PAX5: variants seen among roughly 807,000 people sequenced by gnomAD.
PAX5 encodes paired box protein Pax-5.
Under a neutral mutation model 43.7 loss-of-function variants are expected in PAX5, and 9 were observed. The observed-to-expected ratio is 0.21, with a 90% CI of 0.12 to 0.36. The LOEUF is 0.36. Among genes scored for constraint, PAX5 ranks in the 10% least tolerant of loss-of-function variants. PAX5 has a pLI of 1.00. For synonymous variants in PAX5, 228 were observed against 214.3 expected, an observed-to-expected ratio of 1.06 and a Z score of -0.56; for missense variants, 383 against 532.7, an observed-to-expected ratio of 0.72 and a Z score of 2.77.
At position 36,838,245 on chromosome 9, in the gene PAX5, G is replaced by A. The variant is rs925730733; in HGVS notation, c.*2315C>T. 3 of 232,924 alleles carry A rather than the reference G, an allele frequency of 1.3e-5. No individual in the cohort carries two copies. The highest frequency in any genetic ancestry group is 1.7e-5 in the Non-Finnish European group (2 of 117,912). The allele number at this position is 232,924 out of a possible 1,614,324, so 14.4% of individuals were successfully genotyped here. On this transcript the variant is annotated 3_prime_UTR_variant, in exon 10 of 10. Coordinates refer to ENST00000358127, the MANE Select transcript of PAX5 (RefSeq NM_016734.3). Reference sequence around the variant, plus strand: ...TCGCTGGGCTCCATCCCTGGCCTGGGTGACCAGGCTTCCTTGGCAGTTCTT... The same window carrying A: ...TCGCTGGGCTCCATCCCTGGCCTGGATGACCAGGCTTCCTTGGCAGTTCTT...
chr9:36,849,979 G>C (rs547759985), intron 8 of PAX5, among the ~76,000 whole-genome samples: 10 of 152,260 alleles, frequency 6.6e-5, no homozygotes, highest in South Asian at 2.1e-4. Flanking sequence ...GGAGAAGCTA[G>C]GTCCTTAGTC....
At chr9:36,961,360 G>A (rs982211858) in intron 6 of PAX5, among the ~76,000 whole-genome samples, 1 of 152,218 alleles carries the variant, frequency 6.6e-6, no homozygotes, top group African/African-American at 2.4e-5. Flanking sequence ...TGAACTCCCT[G>A]GGAGGTCAGC....
intron 1 of PAX5, among the ~76,000 whole-genome samples, chr9:37,024,177 T>A (rs1276815212): frequency 1.3e-5 from 2 of 152,212 alleles, no homozygotes; most frequent in Admixed American, 6.5e-5. Flanking sequence ...ACCCTGGCTA[T>A]GAGTGTTTTA....
intron 7 of PAX5, among the ~76,000 whole-genome samples, chr9:36,904,755 C>T (rs901919879): frequency 1.3e-5 from 2 of 152,162 alleles, no homozygotes; most frequent in African/African-American, 4.8e-5. Context: ...ATAACCTTGA[C>T]AATGACCTAG....
chr9:37,008,740 A>G (rs961931771), intron 3 of PAX5, among the ~76,000 whole-genome samples: 1 of 152,200 alleles, frequency 6.6e-6, no homozygotes, highest in Admixed American at 6.5e-5. Context: ...CCTCAAATAC[A>G]TTCAGATTGT....
In PAX5 at chr9:37,002,613, C is replaced by T. The variant is rs370036164; in HGVS notation, c.604+35G>A. On this transcript the variant is annotated intron_variant, in intron 5 of 9. Transcript: ENST00000358127. Reference sequence around the variant, plus strand: ...AGCGCCGGAAACAGACCCCGTGGAGCGCATCCCCGACGGGGCTGCGCGGGC... The same window carrying T: ...AGCGCCGGAAACAGACCCCGTGGAGTGCATCCCCGACGGGGCTGCGCGGGC... 2.8e-4 allele frequency: 451 copies of T among 1,592,336 alleles called. 3 individuals are homozygous for T. Among genetic ancestry groups the T allele is most frequent in the Middle Eastern group, 1.8e-4 (1 of 5,700 alleles).
chr9:36,949,658 T>C (rs1832838692), intron 6 of PAX5, among the ~76,000 whole-genome samples: 1 of 152,310 alleles, frequency 6.6e-6, no homozygotes, highest in East Asian at 1.9e-4. Context: ...GCTTGTGCTC[T>C]TAACCATGAC....
chr9:36,927,768 G>A (rs1323439778), intron 6 of PAX5, among the ~76,000 whole-genome samples: 1 of 151,232 alleles, frequency 6.6e-6, no homozygotes, highest in African/African-American at 2.4e-5. Flanking sequence ...GTGTGCAGTG[G>A]CACGATCTTG....
chr9:36,996,916 TGAGA>T (rs1329683224), intron 5 of PAX5, among the ~76,000 whole-genome samples: 1 of 151,482 alleles, frequency 6.6e-6, no homozygotes, highest in African/African-American at 2.4e-5. Flanking sequence ...AGTGTGTGTG[TGAGA>T]GAGAGTATGT....
intron 8 of PAX5, among the ~76,000 whole-genome samples, chr9:36,881,596 C>T (rs548706917): frequency 2.6e-4 from 39 of 151,882 alleles, no homozygotes; most frequent in Admixed American, 9.2e-4. Flanking sequence ...GTGAGGCCAC[C>T]GCGAGCACCT....
chr9:36,950,459 A>G (rs1179730128), intron 6 of PAX5, among the ~76,000 whole-genome samples: 1 of 152,182 alleles, frequency 6.6e-6, no homozygotes, highest in Non-Finnish European at 1.5e-5. Context: ...TCCAAGCCCC[A>G]ATCTGACACT....
At chr9:37,026,332 G>C (rs1840363739) in intron 1 of PAX5, among the ~76,000 whole-genome samples, 1 of 152,266 alleles carries the variant, frequency 6.6e-6, no homozygotes, top group Admixed American at 6.5e-5. Context: ...GTTGCCGGAG[G>C]CGGGATTCCC....
intron 7 of PAX5, among the ~76,000 whole-genome samples, chr9:36,897,990 C>A (rs1828017431): frequency 6.6e-6 from 1 of 152,168 alleles, no homozygotes; most frequent in Non-Finnish European, 1.5e-5. Flanking sequence ...CTAACTTTTT[C>A]CTTCTGTGCT....
At chr9:36,894,316 C>T (rs1827669160) in intron 7 of PAX5, among the ~76,000 whole-genome samples, 1 of 152,186 alleles carries the variant, frequency 6.6e-6, no homozygotes, top group African/African-American at 2.4e-5. Context: ...CCTGTCAAAT[C>T]TAATGGTTGG....
chr9:36,882,267 TACACACACACACACAC>T lies in PAX5; in HGVS notation c.911-178_911-163del, dbSNP rs10650417. ...GCTCACACGCTCTCACAAACACACA[TACACACACACACACAC>T]ACACACACACACTCATGCACACACA... On this transcript the variant is annotated intron_variant, in intron 7 of 9. Coordinates refer to ENST00000358127, the MANE Select transcript of PAX5 (RefSeq NM_016734.3). This position sits in a 1 kb window ranked among gnomAD's most constrained non-coding sequence, Gnocchi z 4.4. 6.8e-6 allele frequency among the ~76,000 whole-genome samples: 1 copy of T among 146,272 alleles called. No homozygotes were observed. Among genetic ancestry groups the T allele is most frequent in the Admixed American group, 6.8e-5 (1 of 14,630 alleles).
intron 1 of PAX5, chr9:37,026,797 C>A: frequency 1.1e-6 from 1 of 879,494 alleles, no homozygotes. Flanking sequence ...GGGCTAGGAG[C>A]GGGTGCCCAA....
chr9:36,879,431 A>T (rs1001082191), intron 8 of PAX5, among the ~76,000 whole-genome samples: 1 of 152,176 alleles, frequency 6.6e-6, no homozygotes, highest in Admixed American at 6.5e-5. Flanking sequence ...TTCACCACTG[A>T]CATGCTCTCA....
chr9:36,931,868 A>G (rs931612277), intron 6 of PAX5, among the ~76,000 whole-genome samples: 1 of 143,806 alleles, frequency 7.0e-6, no homozygotes, highest in African/African-American at 2.5e-5. Context: ...AAAAAAAAAA[A>G]ATCATAACAT....
At chr9:36,880,687 C>T (rs548108349) in intron 8 of PAX5, among the ~76,000 whole-genome samples, 7 of 152,322 alleles carry the variant, frequency 4.6e-5, no homozygotes, top group Admixed American at 1.3e-4. Flanking sequence ...CTTAGCCTCC[C>T]GAATAGCTGG....
Sources: allele counts gnomAD v4.1 joint callset (sites outside exome capture counted in the v4.1 genomes callset), GRCh38; gene constraint gnomAD v4.1.1; non-coding constraint Gnocchi (gnomAD v3.1); transcripts MANE v1.5; gene names NCBI Gene and HGNC (gene_info 2026-07-23, HGNC 2026-07-21).